RBFOX1: variants seen among roughly 807,000 people sequenced by gnomAD.
The protein encoded by RBFOX1 is RNA binding protein fox-1 homolog 1.
Under a neutral mutation model 57.7 loss-of-function variants are expected in RBFOX1, and 8 were observed. The observed-to-expected ratio is 0.14, with a 90% CI of 0.08 to 0.25. RBFOX1 has a LOEUF of 0.25. RBFOX1 is among the 10% of genes least tolerant of loss of function. RBFOX1 has a pLI of 1.00. For synonymous variants in RBFOX1, 326 were observed against 222.4 expected (o/e 1.47, Z -4.15); for missense variants, 611 against 548.5 (o/e 1.11, Z -1.14).
chr16:6,812,909 C>G (rs2089110283), intron 3 of RBFOX1, among the ~76,000 whole-genome samples: 1 of 152,122 alleles, frequency 6.6e-6, no homozygotes, highest in South Asian at 2.1e-4. Context: ...GACGATGTTT[C>G]TAGAGGTCAT....
At chr16:7,115,300 G>A (rs2065646818) in intron 4 of RBFOX1, among the ~76,000 whole-genome samples, 1 of 152,100 alleles carries the variant, frequency 6.6e-6, no homozygotes, top group Non-Finnish European at 1.5e-5. Flanking sequence ...GATTACTTGT[G>A]TGCCAGCAAC....
At chr16:6,887,115 C>G (rs912507577) in intron 3 of RBFOX1, among the ~76,000 whole-genome samples, 2 of 152,190 alleles carry the variant, frequency 1.3e-5, no homozygotes, top group South Asian at 2.1e-4. Flanking sequence ...TCACCAAACT[C>G]ATGAAGTTCC....
chr16:6,667,621 C>T (rs533542500), intron 3 of RBFOX1, among the ~76,000 whole-genome samples: 1 of 152,154 alleles, frequency 6.6e-6, no homozygotes, highest in African/African-American at 2.4e-5. Flanking sequence ...GTGGCTCATG[C>T]CTGGAATCCT....
At chr16:6,935,205 C>T (rs961149133) in intron 3 of RBFOX1, among the ~76,000 whole-genome samples, 1 of 152,180 alleles carries the variant, frequency 6.6e-6, no homozygotes, top group Admixed American at 6.5e-5. Context: ...ATACATAGCT[C>T]AGAGTGTATG....
At chr16:6,905,263 A>G (rs2069556273) in intron 3 of RBFOX1, among the ~76,000 whole-genome samples, 1 of 152,084 alleles carries the variant, frequency 6.6e-6, no homozygotes, top group Admixed American at 6.6e-5. Flanking sequence ...AAAAATTAAA[A>G]AAAAGAATGG....
chr16:6,745,780 C>G (rs905415041), intron 3 of RBFOX1, among the ~76,000 whole-genome samples: 5 of 152,066 alleles, frequency 3.3e-5, no homozygotes, highest in Admixed American at 1.3e-4. Flanking sequence ...AGTATTTTAG[C>G]CAGTGATAAT....
At chr16:6,871,909 GTC>G (rs1286371772) in intron 3 of RBFOX1, among the ~76,000 whole-genome samples, 3 of 98,956 alleles carry the variant, frequency 3.0e-5, no homozygotes, top group African/African-American at 1.1e-4. Flanking sequence ...GAGGGAGAGA[GTC>G]TGTGTGTGTG....
Position 6,425,241 on chromosome 16 carries a change from G to A in RBFOX1, c.-64+108184G>A, listed in dbSNP as rs112189586. On this transcript the variant is annotated intron_variant, in intron 2 of 15. Transcript: ENST00000550418. Reference sequence around the variant, plus strand: ...TACTTCCATATGCAGACAGGAAGGAGAGTATGGTCAACAGGTATGAAGTTT... The same window carrying A: ...TACTTCCATATGCAGACAGGAAGGAAAGTATGGTCAACAGGTATGAAGTTT... Among the ~76,000 whole-genome samples the A allele has an allele frequency of 1.1e-3, 164 of 152,312 alleles. 1 individual carries two copies. Among genetic ancestry groups the A allele is most frequent in the African/African-American group, 3.7e-3 (155 of 41,578 alleles).
chr16:5,278,113 T>C (rs13337619), intron 1 of RBFOX1, among the ~76,000 whole-genome samples: 49,576 of 152,106 alleles, frequency 0.33, 8,122 homozygotes, highest in Non-Finnish European at 0.33. Context: ...CTAATTTACA[T>C]TGCCACCAAC....
chr16:6,483,409 G>A lies in RBFOX1; in HGVS notation c.-64+166352G>A. On this transcript the variant is annotated intron_variant, in intron 2 of 15. Transcript: ENST00000550418. ...ACAGATGACTGGAGTCATTTACATT[G>A]CTAGCACGTGGGTGCCGTTTGCTGT... The A allele has an allele frequency of 8.5e-6, 13 of 1,534,914 alleles. No homozygotes were observed. The Middle Eastern group carries it at 1.9e-3, about 222-fold the overall frequency.
At chr16:6,569,454 C>G (rs1348336483) in intron 2 of RBFOX1, among the ~76,000 whole-genome samples, 1 of 152,168 alleles carries the variant, frequency 6.6e-6, no homozygotes, top group East Asian at 1.9e-4. Flanking sequence ...TATCCCACAG[C>G]TAATCAGTGC....
At chr16:5,842,140 G>A (rs770873986) in intron 3 of RBFOX1, among the ~76,000 whole-genome samples, 6 of 152,144 alleles carry the variant, frequency 3.9e-5, no homozygotes, top group South Asian at 2.1e-4. Flanking sequence ...AAATGGAACC[G>A]CTGAAATCAA....
intron 4 of RBFOX1, among the ~76,000 whole-genome samples, chr16:5,961,563 C>A (rs2059749256): frequency 6.6e-6 from 1 of 152,022 alleles, no homozygotes; most frequent in African/African-American, 2.4e-5. Flanking sequence ...CTCTATCACC[C>A]AGGGTAAGTG....
chr16:6,669,962 C>G (rs1449059268), intron 3 of RBFOX1, among the ~76,000 whole-genome samples: 2 of 152,170 alleles, frequency 1.3e-5, no homozygotes, highest in Non-Finnish European at 2.9e-5. Context: ...GTCCACCTGT[C>G]AAAATAGCAC....
chr16:6,345,697 G>C (rs2085272697), intron 2 of RBFOX1, among the ~76,000 whole-genome samples: 1 of 152,178 alleles, frequency 6.6e-6, no homozygotes, highest in African/African-American at 2.4e-5. Context: ...TTCTAAAAGA[G>C]GGATCAGATG....
intron 3 of RBFOX1, among the ~76,000 whole-genome samples, chr16:6,715,158 C>A (rs554659437): frequency 1.5e-4 from 23 of 152,212 alleles, no homozygotes; most frequent in Admixed American, 1.3e-3. Flanking sequence ...CAAATAAAGA[C>A]TTTAAGAAAC....
At chr16:6,603,930 G>C (rs573919102) in intron 2 of RBFOX1, among the ~76,000 whole-genome samples, 3 of 148,030 alleles carry the variant, frequency 2.0e-5, no homozygotes, top group East Asian at 4.5e-4. Context: ...CGAGGGGGCT[G>C]TTCAGTGAAG....
chr16:6,675,748 A>C (rs1398173750), intron 3 of RBFOX1, among the ~76,000 whole-genome samples: 1 of 152,180 alleles, frequency 6.6e-6, no homozygotes, highest in African/African-American at 2.4e-5. Flanking sequence ...TGAAACCATC[A>C]GATCTTGTGA....
intron 3 of RBFOX1, among the ~76,000 whole-genome samples, chr16:5,797,631 T>C (rs1254434340): frequency 1.3e-5 from 2 of 152,222 alleles, no homozygotes; most frequent in African/African-American, 4.8e-5. Context: ...GCTTGAAATA[T>C]TTGAAAGAGC....
Sources: gnomAD v4.1 joint callset for allele counts (sites outside exome capture counted in the v4.1 genomes callset) on GRCh38, gnomAD v4.1.1 for gene constraint, MANE v1.5 for transcripts, NCBI Gene and HGNC (gene_info 2026-07-23, HGNC 2026-07-21) for gene names.